The following FKBP9 variants were observed in gnomAD, a reference collection of about 807,000 sequenced individuals.
FKBP9 encodes peptidyl-prolyl cis-trans isomerase FKBP9.
A neutral mutation model predicts 55.6 loss-of-function variants in FKBP9; 27 were observed. The ratio of observed to expected loss-of-function variants is 0.49; its 90% CI spans 0.36 to 0.67. FKBP9 has a LOEUF of 0.67. Ranked by LOEUF, FKBP9 falls within the 30% of genes least tolerant of loss-of-function variation. The probability of loss-of-function intolerance (pLI) is 0.00; values close to 1 mark genes in which losing one functional copy is unlikely to be tolerated. For synonymous variants in FKBP9, 267 were observed against 296.5 expected (o/e 0.90, Z 1.02); for missense variants, 539 against 742.8 (o/e 0.73, Z 3.19).
At chr7:32,981,458 CT>C (rs1784473849) in intron 5 of FKBP9, among the ~76,000 whole-genome samples, 1 of 152,160 alleles carries the variant, frequency 6.6e-6, no homozygotes, top group Non-Finnish European at 1.5e-5. Context: ...TGTGTTTGGC[CT>C]GTTTTGCTCA....
chr7:32,990,835 A>G (rs956135519), intron 6 of FKBP9, among the ~76,000 whole-genome samples: 56 of 152,198 alleles, frequency 3.7e-4, no homozygotes, highest in African/African-American at 1.3e-3. Context: ...GATACATCAT[A>G]TGTATCTTGA....
Position 33,006,458 on chromosome 7 carries a change from CTTTT to C in FKBP9, c.*1110_*1113del, listed in dbSNP as rs970741211. ...CCACCTTTCTATCCCATAGAACACT[CTTTT>C]TTATCTTCCCTGAACCATATTGATG... is the stretch of plus-strand genomic sequence containing the variant. On this transcript the variant is annotated 3_prime_UTR_variant, in exon 10 of 10. Transcript: ENST00000242209. 1 of 202,646 alleles carries C rather than the reference CTTTT, an allele frequency of 4.9e-6. No individual in the cohort carries two copies. Among genetic ancestry groups the C allele is most frequent in the African/African-American group, 2.3e-5 (1 of 43,544 alleles). The allele number at this position is 202,646 out of a possible 1,614,324, so 12.6% of individuals were successfully genotyped here.
At chr7:32,984,561 G>T (rs1178536632) in intron 5 of FKBP9, among the ~76,000 whole-genome samples, 1 of 152,146 alleles carries the variant, frequency 6.6e-6, no homozygotes, top group Non-Finnish European at 1.5e-5. Context: ...CCAGGCCAGA[G>T]GTAATATGTC....
At chr7:33,003,009 C>T (rs1329773385) in intron 9 of FKBP9, 170 bp downstream of exon 9, 14 of 604,300 alleles carry the variant, frequency 2.3e-5, no homozygotes, top group Middle Eastern at 8.9e-4. Context: ...CACACCCTCT[C>T]GATGGAAGCT....
chr7:32,989,806 A>G (rs1378110206), intron 6 of FKBP9, among the ~76,000 whole-genome samples: 1 of 151,932 alleles, frequency 6.6e-6, no homozygotes, highest in Non-Finnish European at 1.5e-5. Flanking sequence ...ACCTGTGAGT[A>G]TGTTACCTTA....
At chr7:32,992,436 G>C (rs1036348260) in intron 6 of FKBP9, among the ~76,000 whole-genome samples, 2 of 152,190 alleles carry the variant, frequency 1.3e-5, no homozygotes, top group African/African-American at 4.8e-5. Context: ...GCTATTGGCC[G>C]CTTTTAAGTT....
intron 4 of FKBP9, among the ~76,000 whole-genome samples, chr7:32,977,337 G>A (rs1036936412): frequency 1.1e-4 from 17 of 152,186 alleles, no homozygotes; most frequent in South Asian, 8.3e-4. Context: ...TTAGGCAATT[G>A]CATTGTTGTG....
intron 7 of FKBP9, among the ~76,000 whole-genome samples, chr7:32,997,357 T>C (rs2127988464): frequency 6.6e-6 from 1 of 152,188 alleles, no homozygotes; most frequent in East Asian, 1.9e-4. Flanking sequence ...CAGGTGTGAG[T>C]CACTGCACCT....
Position 33,000,348 on chromosome 7 carries a change from G to T in FKBP9, c.1372+88G>T, listed in dbSNP as rs1410538716. The T allele has an allele frequency of 7.9e-6, 11 of 1,393,446 alleles. No homozygotes were observed. The African/African-American group carries it at 1.1e-4, about 15-fold the overall frequency. 86.3% of individuals were successfully genotyped at this position (1,393,446 alleles called of 1,614,324 possible). A position where few individuals can be genotyped will look rare whatever the true frequency, so the allele number is the denominator to read the frequency against. On this transcript the variant is annotated intron_variant, in intron 8 of 9. Transcript: ENST00000242209. ...TTGGGGTGCCATAGTTAGAATCACAGCATGCTTCTTACATGTAATACCCAA... is the reference window on the plus strand; with the variant it reads ...TTGGGGTGCCATAGTTAGAATCACATCATGCTTCTTACATGTAATACCCAA...
chr7:32,980,827 T>A (rs1279683499), intron 5 of FKBP9, among the ~76,000 whole-genome samples: 1 of 152,026 alleles, frequency 6.6e-6, no homozygotes, highest in East Asian at 1.9e-4. Context: ...CTTGAACTCC[T>A]GGGCTCAAGC....
intron 6 of FKBP9, among the ~76,000 whole-genome samples, chr7:32,995,752 C>G (rs182110171): frequency 9.9e-5 from 15 of 152,214 alleles, no homozygotes; most frequent in Non-Finnish European, 1.9e-4. Flanking sequence ...TGATTTCACT[C>G]TACGGCTGAT....
In FKBP9 at chr7:32,975,367, T is replaced by C. The variant is rs749964209; in HGVS notation, c.553T>C (p.Ser185Pro). 9 of 1,613,522 alleles carry C rather than the reference T, an allele frequency of 5.6e-6. No individual in the cohort carries two copies. Among genetic ancestry groups the C allele is most frequent in the Non-Finnish European group, 7.6e-6 (9 of 1,179,436 alleles). ...GTFLDGTLFD[S>P]SHNRMKTYDT... ...GTTCCTGGACGGAACTCTGTTTGAT[T>C]CGAGGTAAGTCCTGTCGTTCATGGC... is the stretch of plus-strand genomic sequence containing the variant. Residue 185 changes from serine to proline, a missense_variant, in exon 3 of 10, where the codon TCG (serine) becomes CCG (proline). Transcript: ENST00000242209.
chr7:33,002,468 G>A (rs148217162), intron 8 of FKBP9, among the ~76,000 whole-genome samples: 4,947 of 152,186 alleles, frequency 0.033, 121 homozygotes, highest in Middle Eastern at 0.085. Context: ...ATAACTAAAC[G>A]CTGGTCACCA....
chr7:32,981,464 T>C (rs1784473960), intron 5 of FKBP9, among the ~76,000 whole-genome samples: 1 of 152,192 alleles, frequency 6.6e-6, no homozygotes, highest in South Asian at 2.1e-4. Flanking sequence ...TGGCCTGTTT[T>C]GCTCATTCTA....
At position 32,996,092 on chromosome 7, in the gene FKBP9, G is replaced by A. The variant is rs1784777995; in HGVS notation, c.1040-71G>A. Reference sequence around the variant, plus strand: ...TTGGAGGGCCTTGAGGACATACCTGGTGACACTGGGGAGGCCCATGTGCTG... The same window carrying A: ...TTGGAGGGCCTTGAGGACATACCTGATGACACTGGGGAGGCCCATGTGCTG... On this transcript the variant is annotated intron_variant, in intron 6 of 9. Coordinates refer to ENST00000242209, the MANE Select transcript of FKBP9 (RefSeq NM_007270.5). 2.8e-6 allele frequency: 4 copies of A among 1,436,700 alleles called. No individual in the cohort carries two copies. The South Asian group carries it at 3.7e-5, about 13-fold the overall frequency. The allele number at this position is 1,436,700 out of a possible 1,614,324, so 89.0% of individuals were successfully genotyped here. A position where few individuals can be genotyped will look rare whatever the true frequency, so the allele number is the denominator to read the frequency against.
chr7:33,005,027 T>A, intron 9 of FKBP9, 148 bp from the exon 10 acceptor site: 1 of 1,386,534 alleles, frequency 7.2e-7, no homozygotes, highest in African/African-American at 1.4e-5. Context: ...AGATCATAGG[T>A]CATATAGCTG....
chr7:32,965,513 C>T (rs932690004), intron 1 of FKBP9, among the ~76,000 whole-genome samples: 1 of 151,824 alleles, frequency 6.6e-6, no homozygotes, highest in South Asian at 2.1e-4. Context: ...AGAATATAGC[C>T]GTGGGGGCCA....
chr7:32,967,207 C>G (rs1008823648), intron 1 of FKBP9, among the ~76,000 whole-genome samples: 3 of 152,182 alleles, frequency 2.0e-5, no homozygotes, highest in Non-Finnish European at 4.4e-5. Flanking sequence ...TCTGTACACA[C>G]CTTTGCACAC....
chr7:33,000,233 C>T lies in FKBP9; in HGVS notation c.1345C>T (p.His449Tyr). Reference sequence around the variant, plus strand: ...GAAACGGACAGTGATCATTCCGCCTCACCTGGGCTATGGGGAAGCTGGCGT... The same window carrying T: ...GAAACGGACAGTGATCATTCCGCCTTACCTGGGCTATGGGGAAGCTGGCGT... ...GEKRTVIIPPHLGYGEAGVDG... is the reference protein window; with the variant it reads ...GEKRTVIIPPYLGYGEAGVDG... Residue 449 changes from histidine (H) to tyrosine (Y), a missense_variant, in exon 8 of 10, where the codon CAC (histidine) becomes TAC (tyrosine). His to Tyr is a moderately conservative substitution (Grantham distance 83). Coordinates refer to ENST00000242209, the MANE Select transcript of FKBP9 (RefSeq NM_007270.5). 6.2e-7 allele frequency: 1 copy of T among 1,612,718 alleles called. No individual in the cohort carries two copies. Among genetic ancestry groups the T allele is most frequent in the Non-Finnish European group, 8.5e-7 (1 of 1,179,152 alleles).
Sources: allele counts gnomAD v4.1 joint callset (sites outside exome capture counted in the v4.1 genomes callset), GRCh38; gene constraint gnomAD v4.1.1; transcripts MANE v1.5; gene names NCBI Gene and HGNC (gene_info 2026-07-23, HGNC 2026-07-21).